Variants in NCKAP5 observed in about 807,000 individuals in gnomAD.
NCKAP5 encodes nck-associated protein 5.
A neutral mutation model predicts 167.0 loss-of-function variants in NCKAP5; 92 were observed. That is an observed-to-expected ratio of 0.55 (90% confidence interval 0.47 to 0.66). The LOEUF is 0.66. Among genes scored for constraint, NCKAP5 ranks in the 30% least tolerant of loss-of-function variants. The pLI is 0.00. For synonymous variants in NCKAP5, 891 were observed against 877.4 expected (o/e 1.02, Z -0.27); for missense variants, 2,378 against 2,315.0 (o/e 1.03, Z -0.56).
chr2:133,141,240 C>T (rs927557019), intron 5 of NCKAP5, among the ~76,000 whole-genome samples: 1 of 152,184 alleles, frequency 6.6e-6, no homozygotes, highest in Non-Finnish European at 1.5e-5. Flanking sequence ...ATATTCACAT[C>T]TCTTAACTGA....
At chr2:133,382,858 T>G (rs1686624034) in intron 3 of NCKAP5, among the ~76,000 whole-genome samples, 1 of 152,166 alleles carries the variant, frequency 6.6e-6, no homozygotes, top group African/African-American at 2.4e-5. Context: ...TGCTAGAATC[T>G]TTGTCCTCTT....
At chr2:133,605,952 C>A in the NCKAP5 span, among the ~76,000 whole-genome samples, 2,897 of 152,262 alleles carry the variant, frequency 0.019, 42 homozygotes, top group Middle Eastern at 0.034. Context: ...AATGCCAAAG[C>A]ATATACTCAC....
At chr2:133,615,064 A>G in the NCKAP5 span, among the ~76,000 whole-genome samples, 2 of 150,870 alleles carry the variant, frequency 1.3e-5, no homozygotes, top group African/African-American at 2.4e-5. Flanking sequence ...TCATAAGTGA[A>G]GGAGAAATAA....
intron 11 of NCKAP5, among the ~76,000 whole-genome samples, chr2:132,799,881 C>T (rs1273407641): frequency 6.6e-6 from 1 of 151,914 alleles, no homozygotes; most frequent in Non-Finnish European, 1.5e-5. Flanking sequence ...ACTGGATTAC[C>T]TATCATCTCA....
intron 11 of NCKAP5, among the ~76,000 whole-genome samples, chr2:132,834,405 C>T (rs1213413611): frequency 3.3e-5 from 5 of 152,134 alleles, no homozygotes; most frequent in South Asian, 2.1e-4. Flanking sequence ...AGAGCAGTGG[C>T]GCGATCTCGG....
intron 3 of NCKAP5, among the ~76,000 whole-genome samples, chr2:133,413,042 C>G (rs948523612): frequency 2.0e-4 from 30 of 152,178 alleles, no homozygotes; most frequent in Non-Finnish European, 5.9e-5. Context: ...GGGCCAAAGC[C>G]TGCAGGTCTG....
intron 5 of NCKAP5, among the ~76,000 whole-genome samples, chr2:133,174,398 C>T (rs981685723): frequency 6.6e-6 from 1 of 152,176 alleles, no homozygotes; most frequent in Non-Finnish European, 1.5e-5. Context: ...TTACTATTTT[C>T]TCCTTGTATT....
chr2:133,515,770 C>G (rs553999899), intron 3 of NCKAP5, among the ~76,000 whole-genome samples: 2 of 152,214 alleles, frequency 1.3e-5, no homozygotes, highest in Non-Finnish European at 2.9e-5. Context: ...CAAGTACCTA[C>G]GATCCCCATT....
At chr2:133,429,777 T>G (rs920955939) in intron 3 of NCKAP5, among the ~76,000 whole-genome samples, 1 of 152,116 alleles carries the variant, frequency 6.6e-6, no homozygotes, top group East Asian at 1.9e-4. Flanking sequence ...GATGAACACA[T>G]GGCAATACAG....
intron 19 of NCKAP5, among the ~76,000 whole-genome samples, chr2:132,723,697 CAT>C (rs1690174883): frequency 6.6e-6 from 1 of 152,186 alleles, no homozygotes; most frequent in Non-Finnish European, 1.5e-5. Flanking sequence ...TGTGTACAGA[CAT>C]AGAGCATTTC....
intron 11 of NCKAP5, among the ~76,000 whole-genome samples, chr2:132,833,871 G>A (rs1415670702): frequency 6.6e-6 from 1 of 152,068 alleles, no homozygotes; most frequent in Non-Finnish European, 1.5e-5. Flanking sequence ...TGAATGTTAG[G>A]AATGTTTCTC....
At chr2:133,198,893 G>A (rs2085552841) in intron 5 of NCKAP5, among the ~76,000 whole-genome samples, 1 of 151,972 alleles carries the variant, frequency 6.6e-6, no homozygotes. Context: ...TAATCAAACA[G>A]TGTGGTATTT....
At chr2:132,755,881 T>TAATAATAATAATAAC (rs67465455) in intron 16 of NCKAP5, among the ~76,000 whole-genome samples, 1 of 148,176 alleles carries the variant, frequency 6.7e-6, no homozygotes, top group African/African-American at 2.5e-5. Flanking sequence ...ATAATAATAA[T>TAATAATAATAATAAC]AACTATAATA....
chr2:133,242,987 C>T (rs2087796701), intron 4 of NCKAP5, among the ~76,000 whole-genome samples: 1 of 152,180 alleles, frequency 6.6e-6, no homozygotes. Context: ...AAGACTTCCT[C>T]ATAATCATGT....
intron 15 of NCKAP5, among the ~76,000 whole-genome samples, chr2:132,775,983 G>C (rs1207698586): frequency 2.0e-5 from 3 of 152,128 alleles, no homozygotes; most frequent in Non-Finnish European, 2.9e-5. Flanking sequence ...CTAGATGAAA[G>C]AATCAAATAA....
chr2:133,354,509 T>A (rs1438478099), intron 3 of NCKAP5, among the ~76,000 whole-genome samples: 1 of 152,148 alleles, frequency 6.6e-6, no homozygotes, highest in Admixed American at 6.5e-5. Context: ...CCCATCAGGC[T>A]TGGCCTGGGG....
chr2:133,262,775 A>C (rs1436965550), intron 4 of NCKAP5, among the ~76,000 whole-genome samples: 4 of 152,240 alleles, frequency 2.6e-5, no homozygotes, highest in African/African-American at 9.6e-5. Flanking sequence ...ACAAGGTATC[A>C]GCTAAGTATG....
intron 1 of NCKAP5, among the ~76,000 whole-genome samples, chr2:133,565,422 C>A (rs1047619765): frequency 1.3e-5 from 2 of 152,202 alleles, no homozygotes; most frequent in Non-Finnish European, 2.9e-5. Context: ...TCCATCTTCC[C>A]ATGAAGGAGG....
chr2:133,224,680 T>C (rs572125130), intron 4 of NCKAP5, among the ~76,000 whole-genome samples: 2 of 152,204 alleles, frequency 1.3e-5, no homozygotes, highest in Non-Finnish European at 2.9e-5. Flanking sequence ...TTTAGCACAA[T>C]ACTGAATTAA....
Sources: gnomAD v4.1 joint callset for allele counts (sites outside exome capture counted in the v4.1 genomes callset) on GRCh38, gnomAD v4.1.1 for gene constraint, MANE v1.5 for transcripts, NCBI Gene and HGNC (gene_info 2026-07-23, HGNC 2026-07-21) for gene names.